Variants in SYNE2 observed in about 807,000 individuals in gnomAD.
SYNE2 encodes nesprin-2.
SYNE2 carries 431 observed loss-of-function variants against 856.3 expected under a neutral mutation model. The observed-to-expected ratio is 0.50, with a 90% CI of 0.47 to 0.55. SYNE2 has a LOEUF of 0.55. Ranked by LOEUF, SYNE2 falls within the 20% of genes least tolerant of loss-of-function variation. The probability of loss-of-function intolerance (pLI) is 0.00; values close to 1 mark genes in which losing one functional copy is unlikely to be tolerated. For synonymous variants in SYNE2, 2,923 were observed against 2,872.3 expected (o/e 1.02, Z -0.56); for missense variants, 8,129 against 8,023.2 (o/e 1.01, Z -0.50).
chr14:63,812,220 G>T (rs1351430142), intron 1 of SYNE2, among the ~76,000 whole-genome samples: 6 of 152,050 alleles, frequency 3.9e-5, no homozygotes, highest in Non-Finnish European at 5.9e-5. Context: ...CTTTCCCAGG[G>T]TCTTAATTAT....
At chr14:63,871,079 A>G (rs1313743058) in intron 1 of SYNE2, among the ~76,000 whole-genome samples, 1 of 152,140 alleles carries the variant, frequency 6.6e-6, no homozygotes, top group African/African-American at 2.4e-5. Flanking sequence ...CCAAGTATCA[A>G]ATATTTAGTA....
intron 85 of SYNE2, among the ~76,000 whole-genome samples, chr14:64,157,170 A>G (rs61987295): frequency 0.023 from 3,549 of 152,304 alleles, 53 homozygotes; most frequent in African/African-American, 0.04. Context: ...ACAGAGATAC[A>G]CAGCCATCAC....
chr14:64,121,397 C>G (rs1029244442), intron 68 of SYNE2, among the ~76,000 whole-genome samples: 7 of 152,108 alleles, frequency 4.6e-5, no homozygotes, highest in African/African-American at 1.7e-4. Context: ...GTGGTGCAAG[C>G]CTGTAATCCC....
At chr14:63,780,060 C>T (rs188319837) in intron 1 of SYNE2, among the ~76,000 whole-genome samples, 59 of 152,248 alleles carry the variant, frequency 3.9e-4, no homozygotes, top group Non-Finnish European at 1.5e-5. Flanking sequence ...TCATAGGACA[C>T]ATGGTCAATA....
intron 11 of SYNE2, among the ~76,000 whole-genome samples, chr14:63,970,801 C>G (rs867421072): frequency 6.6e-6 from 1 of 151,318 alleles, no homozygotes; most frequent in African/African-American, 2.4e-5. Flanking sequence ...TATAGGCATC[C>G]GCCACCATGC....
intron 64 of SYNE2, among the ~76,000 whole-genome samples, chr14:64,104,905 G>A (rs980159764): frequency 4.6e-5 from 7 of 152,120 alleles, no homozygotes; most frequent in Admixed American, 3.9e-4. Context: ...TTTTTGGGAT[G>A]GAGTTTCTCC....
In SYNE2 at chr14:64,146,069, TACA is replaced by T; in HGVS notation, c.15489_15491del (p.Gln5163del). ...TTTGTAATCTTTACATTCACTTAGA[TACA>T]ACATTTAGAACAACTTCTAGAAAGT... On this transcript the variant is annotated inframe_deletion and splice_region_variant, in exon 84 of 116. Coordinates refer to ENST00000555002, the MANE Select transcript of SYNE2 (RefSeq NM_182914.3). 6.4e-7 allele frequency: 1 copy of T among 1,569,658 alleles called. No homozygotes were observed. The highest frequency in any genetic ancestry group is 1.4e-5 in the African/African-American group (1 of 73,054).
At chr14:63,969,731 T>C (rs998553473) in intron 11 of SYNE2, among the ~76,000 whole-genome samples, 1 of 152,192 alleles carries the variant, frequency 6.6e-6, no homozygotes, top group Non-Finnish European at 1.5e-5. Context: ...ATTACGTTGC[T>C]TCCAAATTAC....
intron 1 of SYNE2, among the ~76,000 whole-genome samples, chr14:63,827,685 G>A (rs571877355): frequency 5.6e-5 from 8 of 144,010 alleles, no homozygotes; most frequent in Non-Finnish European, 1.1e-4. Flanking sequence ...GAAAAGAAAT[G>A]GGCAAAGGAT....
chr14:64,032,996 C>T (rs1399631257), intron 45 of SYNE2, among the ~76,000 whole-genome samples: 1 of 151,384 alleles, frequency 6.6e-6, no homozygotes, highest in Non-Finnish European at 1.5e-5. Context: ...AGGGAGATTT[C>T]ATCTCTACAA....
chr14:64,010,138 A>T, intron 32 of SYNE2, 22 bp downstream of exon 32: 3 of 1,602,986 alleles, frequency 1.9e-6, no homozygotes, highest in Non-Finnish European at 2.6e-6. Flanking sequence ...TTCCATTAGA[A>T]AAAACTGCCC....
chr14:63,962,619 A>G (rs1296304558), intron 9 of SYNE2, among the ~76,000 whole-genome samples: 1 of 151,914 alleles, frequency 6.6e-6, no homozygotes, highest in African/African-American at 2.4e-5. Context: ...TTGAATTACT[A>G]TTTTCTCTGC....
chr14:64,190,469 A>C, intron 99 of SYNE2: 2 of 650,104 alleles, frequency 3.1e-6, no homozygotes, highest in Non-Finnish European at 5.4e-6. Context: ...CATGAATTAG[A>C]GTAGTTTTAA....
intron 108 of SYNE2, among the ~76,000 whole-genome samples, chr14:64,217,263 G>A (rs148927455): frequency 1.9e-4 from 28 of 147,708 alleles, no homozygotes; most frequent in Non-Finnish European, 3.4e-4. Flanking sequence ...AGTAATGGTC[G>A]TGATTATTAT....
chr14:64,209,245 G>T, intron 101 of SYNE2, 183 bp from the exon 102 acceptor site: 1 of 1,028,692 alleles, frequency 9.7e-7, no homozygotes, highest in South Asian at 1.6e-5. Context: ...TGAAGCAGGA[G>T]CTCTGAGCTG....
chr14:63,976,648 T>C lies in SYNE2; in HGVS notation c.1214T>C (p.Leu405Pro). ...TEAWLQEVEE[L>P]MDEDLSASQD... ...GCTTGGCTCCAGGAGGTAGAAGAGC[T>C]TATGGATGAAGATTTGTCAGCCTCC... The change falls in exon 12 of 116, where the codon CTT (leucine) becomes CCT (proline). Residue 405 changes from leucine to proline, a missense_variant. Leu to Pro is a moderately conservative substitution (Grantham distance 98, BLOSUM62 -3). Around this residue, in one of 3 missense-constraint regions of SYNE2, gnomAD observed 2,422 missense variants for 2,357.4 expected, o/e 1.03. Coordinates refer to ENST00000555002, the MANE Select transcript of SYNE2 (RefSeq NM_182914.3). 1 of 1,612,586 alleles carries C rather than the reference T, an allele frequency of 6.2e-7. No individual in the cohort carries two copies. The highest frequency in any genetic ancestry group is 8.5e-7 in the Non-Finnish European group (1 of 1,179,756).
chr14:64,035,458 A>C (rs1477280652), intron 45 of SYNE2, among the ~76,000 whole-genome samples: 1 of 150,308 alleles, frequency 6.7e-6, no homozygotes, highest in East Asian at 2.0e-4. Flanking sequence ...CTTACTGTAG[A>C]GGTATTTTCA....
chr14:63,986,575 G>A lies in SYNE2; in HGVS notation c.2271G>A (p.Leu757=), dbSNP rs886042558. ...EIWEAEAKSV[L]DQDDVDTSME... ...GGGAGGCAGAAGCCAAATCTGTTTTGGATCAAGATGATGTGGACACCTCAA... is the reference window on the plus strand; with the variant it reads ...GGGAGGCAGAAGCCAAATCTGTTTTAGATCAAGATGATGTGGACACCTCAA... Residue 757 remains leucine, a synonymous_variant, in exon 19 of 116, where the codon TTG becomes TTA. Coordinates refer to ENST00000555002, the MANE Select transcript of SYNE2 (RefSeq NM_182914.3). 9.9e-6 allele frequency: 16 copies of A among 1,614,084 alleles called. No individual in the cohort carries two copies. The highest frequency in any genetic ancestry group is 1.4e-5 in the Non-Finnish European group (16 of 1,180,010).
intron 29 of SYNE2, 119 bp downstream of exon 29, chr14:64,002,200 GT>G (rs894575512): frequency 1.6e-5 from 14 of 862,468 alleles, no homozygotes; most frequent in South Asian, 3.2e-5. Flanking sequence ...AGCCATGACA[GT>G]TTTTTTTTCA....
Sources: gnomAD v4.1 joint callset for allele counts (sites outside exome capture counted in the v4.1 genomes callset) on GRCh38, gnomAD v4.1.1 for gene constraint, gnomAD v4.1.1 regional missense constraint, MANE v1.5 for transcripts, NCBI Gene and HGNC (gene_info 2026-07-23, HGNC 2026-07-21) for gene names.